Variants in GOSR2 observed in about 807,000 individuals in gnomAD.
GOSR2 encodes the protein golgi SNAP receptor complex member 2.
A neutral mutation model predicts 27.9 loss-of-function variants in GOSR2; 20 were observed. That is an observed-to-expected ratio of 0.72 (90% CI 0.50 to 1.04). GOSR2 has a LOEUF of 1.04. GOSR2 is among the 50% of genes least tolerant of loss of function. The pLI is 0.00. For synonymous variants in GOSR2, 91 were observed against 98.8 expected (o/e 0.92, Z 0.47); for missense variants, 261 against 270.5 (o/e 0.97, Z 0.25).
intron 1 of GOSR2, 103 bp downstream of exon 1, chr17:46,923,324 G>C (rs2085978610): frequency 1.3e-6 from 2 of 1,539,120 alleles, no homozygotes; most frequent in African/African-American, 2.7e-5. Context: ...TAGAGGCCGA[G>C]TTTTTCCGCC....
At chr17:46,972,570 G>A (rs1478671717) in intron 6 of GOSR2, among the ~76,000 whole-genome samples, 1 of 152,230 alleles carries the variant, frequency 6.6e-6, no homozygotes, top group Non-Finnish European at 1.5e-5. Flanking sequence ...CGTTGGTGAC[G>A]GATGTTGGCC....
intron 2 of GOSR2, 187 bp downstream of exon 2, chr17:46,929,771 C>T: frequency 1.7e-6 from 1 of 588,184 alleles, no homozygotes; most frequent in East Asian, 2.9e-5. Context: ...TTTGGAATCC[C>T]ACAAGTCTTA....
intron 5 of GOSR2, chr17:46,937,745 C>T (rs2088636477): frequency 1.3e-5 from 2 of 152,204 alleles, no homozygotes; most frequent in African/African-American, 2.4e-5. Flanking sequence ...CATATTGTTA[C>T]CTATTTAATT....
At position 46,938,739 on chromosome 17, in the gene GOSR2, C is replaced by T. The variant is rs756931321; in HGVS notation, c.618C>T (p.Leu206=). ...TGCTGACCTGTGTGGTCATGTTCCT[C>T]GTGGTGCAGTACCTGACATGAGCCA... is the stretch of plus-strand genomic sequence containing the variant. ...GMLLTCVVMF[L]VVQYLT is the part of the protein sequence containing the mutation. The change falls in exon 6 of 6, where the codon CTC becomes CTT. Residue 206 remains leucine, a synonymous_variant. Coordinates refer to ENST00000640051, the MANE Select transcript of GOSR2 (RefSeq NM_004287.5). The T allele has an allele frequency of 6.2e-6, 10 of 1,613,830 alleles. No individual in the cohort carries two copies. The highest frequency in any genetic ancestry group is 1.6e-4 in the Middle Eastern group (1 of 6,068).
downstream of GOSR2, among the ~76,000 whole-genome samples, chr17:46,968,064 C>A (rs74855004): frequency 0.038 from 5,781 of 152,036 alleles, 211 homozygotes; most frequent in African/African-American, 0.098. Context: ...GGGATGGGGG[C>A]CTTCTTCAGC....
intron 6 of GOSR2, among the ~76,000 whole-genome samples, chr17:46,973,662 C>T (rs564914033): frequency 6.6e-6 from 1 of 152,292 alleles, no homozygotes; most frequent in South Asian, 2.1e-4. Context: ...CCCCGTCTGC[C>T]GAGCTGGGGT....
chr17:46,966,507 C>A, intron 6 of GOSR2: 1 of 685,796 alleles, frequency 1.5e-6, no homozygotes, highest in South Asian at 1.6e-5. Flanking sequence ...CCCACCACAC[C>A]CGATTAATTT....
At position 46,923,312 on chromosome 17, in the gene GOSR2, G is replaced by C. The variant is rs562701294; in HGVS notation, c.29+91G>C. 6.7e-4 allele frequency: 1,028 copies of C among 1,543,054 alleles called. 3 individuals carry two copies. Among genetic ancestry groups the C allele is most frequent in the South Asian group, 1.6e-3 (133 of 83,790 alleles). ...GGCTGAGGCCTCGGACGTCAGCCAG[G>C]GTAGAGGCCGAGTTTTTCCGCCAGG... On this transcript the variant is annotated intron_variant, in intron 1 of 5. Transcript: ENST00000640051.
intron 5 of GOSR2, chr17:46,936,215 C>A (rs1313138185): frequency 2.0e-6 from 2 of 985,306 alleles, no homozygotes; most frequent in African/African-American, 3.5e-5. Flanking sequence ...GTTGATTAGT[C>A]TGCCCTTTCT....
intron 6 of GOSR2, among the ~76,000 whole-genome samples, chr17:46,953,617 C>G (rs1224238760): frequency 6.6e-6 from 1 of 152,184 alleles, no homozygotes; most frequent in Non-Finnish European, 1.5e-5. Flanking sequence ...CCTGAGGAAT[C>G]GCCACACTGA....
intron 1 of GOSR2, among the ~76,000 whole-genome samples, chr17:46,928,095 A>G (rs1436317899): frequency 1.3e-5 from 2 of 151,728 alleles, no homozygotes; most frequent in African/African-American, 4.8e-5. Context: ...GCATCATCCC[A>G]CAATATCCCA....
chr17:46,927,217 A>T (rs2086627042), intron 1 of GOSR2, among the ~76,000 whole-genome samples: 1 of 152,172 alleles, frequency 6.6e-6, no homozygotes. Flanking sequence ...TTCATTTAAA[A>T]AAAATGCCTT....
chr17:46,942,307 G>A (rs2089390403), downstream of GOSR2, among the ~76,000 whole-genome samples: 1 of 152,206 alleles, frequency 6.6e-6, no homozygotes, highest in African/African-American at 2.4e-5. Flanking sequence ...AGGCCTCACG[G>A]AGGTCAGACA....
chr17:46,968,138 C>T (rs1470445710), downstream of GOSR2, among the ~76,000 whole-genome samples: 1 of 152,124 alleles, frequency 6.6e-6, no homozygotes, highest in African/African-American at 2.4e-5. Flanking sequence ...TCCTTCTCTT[C>T]AGCTCCAACA....
downstream of GOSR2, among the ~76,000 whole-genome samples, chr17:46,969,976 A>C (rs997422695): frequency 6.6e-6 from 1 of 152,160 alleles, no homozygotes; most frequent in African/African-American, 2.4e-5. Context: ...CAGGCTGTGC[A>C]AGCAGACACC....
chr17:46,950,287 ACT>A (rs1568201968), intron 6 of GOSR2, among the ~76,000 whole-genome samples: 2 of 151,736 alleles, frequency 1.3e-5, no homozygotes, highest in South Asian at 2.1e-4. Flanking sequence ...GAGAGTGTGG[ACT>A]CTCTGCCTCT....
In GOSR2 at chr17:46,939,789, C is replaced by T. The variant is rs1380681064; in HGVS notation, c.*1029C>T. ...ACTACAACCTTTTTCCTTCTGTGAC[C>T]AGCCCCGGATTCAGGCTGTACTAAT... On this transcript the variant is annotated 3_prime_UTR_variant, in exon 6 of 6. Coordinates refer to ENST00000640051, the MANE Select transcript of GOSR2 (RefSeq NM_004287.5). 9.1e-6 allele frequency: 9 copies of T among 987,168 alleles called. No homozygotes were observed. The highest frequency in any genetic ancestry group is 2.3e-4 in the East Asian group (2 of 8,836). The allele number at this position is 987,168 out of a possible 1,614,324, so 61.2% of individuals were successfully genotyped here.
At chr17:46,926,965 C>T (rs931055875) in intron 1 of GOSR2, among the ~76,000 whole-genome samples, 4 of 152,186 alleles carry the variant, frequency 2.6e-5, no homozygotes, top group Admixed American at 2.6e-4. Flanking sequence ...CTTTATTCTA[C>T]TAGTTATTGT....
chr17:46,940,713 T>C lies in GOSR2; in HGVS notation c.*1953T>C. 4 of 1,602,278 alleles carry C rather than the reference T, an allele frequency of 2.5e-6. No individual in the cohort carries two copies. The highest frequency in any genetic ancestry group is 3.4e-6 in the Non-Finnish European group (4 of 1,177,360). On this transcript the variant is annotated 3_prime_UTR_variant, in exon 6 of 6. Coordinates refer to ENST00000640051, the MANE Select transcript of GOSR2 (RefSeq NM_004287.5). The stretch of plus-strand genomic sequence containing the variant: ...TGGTGTGCACCAGTGCTTTCCACAC[T>C]TGACAGTGGTTGGCTTTGATGAACC...
Sources: allele counts gnomAD v4.1 joint callset (sites outside exome capture counted in the v4.1 genomes callset), GRCh38; gene constraint gnomAD v4.1.1; transcripts MANE v1.5; gene names NCBI Gene and HGNC (gene_info 2026-07-23, HGNC 2026-07-21).